Variants in XRCC6 observed in about 807,000 individuals in gnomAD.
XRCC6 encodes the protein DNA repair protein Ku70.
Under a neutral mutation model 65.7 loss-of-function variants are expected in XRCC6, and 5 were observed. The ratio of observed to expected loss-of-function variants is 0.08; its 90% CI spans 0.04 to 0.16. The LOEUF (loss-of-function observed/expected upper bound fraction) is 0.16. Ranked by LOEUF, XRCC6 falls within the 10% of genes least tolerant of loss-of-function variation. The probability of loss-of-function intolerance (pLI) is 1.00; values close to 1 mark genes in which losing one functional copy is unlikely to be tolerated. For synonymous variants in XRCC6, 270 were observed against 270.6 expected (o/e 1.00, Z 0.02); for missense variants, 447 against 738.1 (o/e 0.61, Z 4.57).
At position 41,636,170 on chromosome 22, in the gene XRCC6, G is replaced by C. The variant is rs370335839; in HGVS notation, c.253G>C (p.Val85Leu). The C allele has an allele frequency of 6.2e-7, 1 of 1,607,734 alleles. No individual in the cohort carries two copies. Among genetic ancestry groups the C allele is most frequent in the East Asian group, 2.2e-5 (1 of 44,832 alleles). Residue 85 changes from valine (V) to leucine (L), a missense_variant, in exon 4 of 13, where the codon GTG (valine) becomes CTG (leucine). Transcript: ENST00000360079. ...AAGCAGTGATCGAGATCTCTTGGCT[G>C]TGGTGTTCTATGGTACCGAGAAAGA... Reference protein sequence around the residue: ...IISSDRDLLAVVFYGTEKDKN... With the variant: ...IISSDRDLLALVFYGTEKDKN...
At position 41,628,210 on chromosome 22, in the gene XRCC6, C is replaced by A; in HGVS notation, c.175C>A (p.Pro59Thr). ...ATCTCAGAGTGAAGATGAGTTGACA[C>A]CTTTTGACATGAGCATCCAGGTAAG... ...FESQSEDELTPFDMSIQCIQS... is the reference protein window; with the variant it reads ...FESQSEDELTTFDMSIQCIQS... The change falls in exon 3 of 13, where the codon CCT (proline) becomes ACT (threonine). Residue 59 changes from proline to threonine, a missense_variant. By Grantham distance (38) the Pro-to-Thr change is conservative (BLOSUM62 -1). Transcript: ENST00000360079. 1 of 1,612,766 alleles carries A rather than the reference C, an allele frequency of 6.2e-7. No homozygotes were observed.
intron 12 of XRCC6, 65 bp downstream of exon 12, chr22:41,661,509 A>G: frequency 1.5e-6 from 2 of 1,321,106 alleles, no homozygotes; most frequent in South Asian, 1.2e-5. Context: ...GTCTTATCAC[A>G]GTGGGCAATA....
chr22:41,644,723 A>G (rs2067913483), intron 6 of XRCC6, among the ~76,000 whole-genome samples: 1 of 152,076 alleles, frequency 6.6e-6, no homozygotes, highest in East Asian at 2.0e-4. Flanking sequence ...TCCTGAGCTC[A>G]GGCAATCCGC....
At chr22:41,632,612 A>G (rs1316085078) in intron 3 of XRCC6, among the ~76,000 whole-genome samples, 2 of 152,066 alleles carry the variant, frequency 1.3e-5, no homozygotes, top group Admixed American at 1.3e-4. Flanking sequence ...CTCCATCTCA[A>G]GAAAACAAGA....
chr22:41,631,458 G>A lies in XRCC6; in HGVS notation c.195+3228G>A, dbSNP rs552160037. Among the ~76,000 whole-genome samples, 16 of 150,970 alleles carry A rather than the reference G, an allele frequency of 1.1e-4. 1 individual carries two copies. Among genetic ancestry groups the A allele is most frequent in the South Asian group, 4.2e-4 (2 of 4,764 alleles). ...GTCTCCTCCCTTCTCAGATGGGGCG[G>A]CTGGGCAGAGACGCTCCTCACCTCC... On this transcript the variant is annotated intron_variant, in intron 3 of 12. Coordinates refer to ENST00000360079, the MANE Select transcript of XRCC6 (RefSeq NM_001469.5).
chr22:41,629,469 C>A (rs747394210), intron 3 of XRCC6, among the ~76,000 whole-genome samples: 1 of 152,134 alleles, frequency 6.6e-6, no homozygotes, highest in Non-Finnish European at 1.5e-5. Flanking sequence ...TGTATGATTT[C>A]ATTTACATGA....
chr22:41,633,960 G>A (rs1323242706), intron 3 of XRCC6, among the ~76,000 whole-genome samples: 1 of 152,106 alleles, frequency 6.6e-6, no homozygotes, highest in East Asian at 1.9e-4. Context: ...CCTAAAAGGA[G>A]CCCTTACCAG....
chr22:41,653,443 A>G, intron 8 of XRCC6, 86 bp from the exon 9 acceptor site: 1 of 1,307,734 alleles, frequency 7.6e-7, no homozygotes, highest in Non-Finnish European at 1.0e-6. Context: ...CCCTTTAAAG[A>G]AAATGGAAGA....
chr22:41,651,032 G>A (rs917031651), intron 8 of XRCC6, 141 bp downstream of exon 8: 343 of 1,174,258 alleles, frequency 2.9e-4, no homozygotes, highest in Non-Finnish European at 3.8e-4. Context: ...TCTGCCTGGT[G>A]CAGTGGCTCA....
At chr22:41,639,255 C>A (rs1441016728) in intron 6 of XRCC6, among the ~76,000 whole-genome samples, 1 of 147,620 alleles carries the variant, frequency 6.8e-6, no homozygotes, top group African/African-American at 2.5e-5. Context: ...TAGTTATGAT[C>A]ATTGTTAAAA....
intron 8 of XRCC6, among the ~76,000 whole-genome samples, chr22:41,653,053 G>T (rs907932155): frequency 6.6e-6 from 1 of 152,026 alleles, no homozygotes; most frequent in African/African-American, 2.4e-5. Flanking sequence ...TGTCTCTGCT[G>T]TCCCCATTTT....
chr22:41,655,626 C>T (rs1189626616), intron 9 of XRCC6, among the ~76,000 whole-genome samples: 5 of 151,088 alleles, frequency 3.3e-5, no homozygotes, highest in Admixed American at 6.6e-5. Flanking sequence ...GGTGTGAACC[C>T]GGGAGGTGGA....
At chr22:41,624,812 A>G (rs932027418) in intron 2 of XRCC6, among the ~76,000 whole-genome samples, 1 of 149,958 alleles carries the variant, frequency 6.7e-6, no homozygotes, top group Admixed American at 6.7e-5. Context: ...CCTGGCAAAC[A>G]CGGTGAAACC....
chr22:41,649,170 A>ATGTG (rs1197239859), intron 7 of XRCC6, among the ~76,000 whole-genome samples: 4 of 135,824 alleles, frequency 2.9e-5, no homozygotes, highest in Non-Finnish European at 4.7e-5. Context: ...ATATGTATGT[A>ATGTG]TGTGTGTGTG....
chr22:41,622,787 T>C (rs1016382875), intron 2 of XRCC6, among the ~76,000 whole-genome samples: 1 of 150,888 alleles, frequency 6.6e-6, no homozygotes, highest in Non-Finnish European at 1.5e-5. Context: ...AAAAAAAAAA[T>C]ACAAAAAATT....
In XRCC6 at chr22:41,647,935, C is replaced by T. The variant is rs368483728; in HGVS notation, c.960+853C>T. 1.2e-3 allele frequency among the ~76,000 whole-genome samples: 185 copies of T among 151,500 alleles called. 1 individual carries two copies. Among genetic ancestry groups the T allele is most frequent in the African/African-American group, 4.2e-3 (175 of 41,418 alleles). Reference sequence around the variant, plus strand: ...GTTAACTAGGAGGAGAGACATTGATCAGGCTGACCAGTTAAATAACTTTCA... The same window carrying T: ...GTTAACTAGGAGGAGAGACATTGATTAGGCTGACCAGTTAAATAACTTTCA... On this transcript the variant is annotated intron_variant, in intron 7 of 12. Transcript: ENST00000360079.
chr22:41,650,830 G>C lies in XRCC6; in HGVS notation c.1068G>C (p.Leu356=). ...MLMGFKPLVL[L]KKHHYLRPSL... ...TGGGTTTCAAGCCGTTGGTACTGCT[G>C]AAGAAACACCATTACCTGAGGCCCT... The change falls in exon 8 of 13, where the codon CTG becomes CTC. Residue 356 remains leucine (L), a synonymous_variant. Coordinates refer to ENST00000360079, the MANE Select transcript of XRCC6 (RefSeq NM_001469.5). 1.2e-6 allele frequency: 2 copies of C among 1,614,046 alleles called. No individual in the cohort carries two copies. The highest frequency in any genetic ancestry group is 1.7e-6 in the Non-Finnish European group (2 of 1,179,956).
intron 6 of XRCC6, among the ~76,000 whole-genome samples, chr22:41,641,769 A>G (rs1312815286): frequency 6.6e-6 from 1 of 152,104 alleles, no homozygotes; most frequent in Non-Finnish European, 1.5e-5. Context: ...GAATGCAACA[A>G]CATTTATGTT....
At chr22:41,648,949 C>T (rs2067962906) in intron 7 of XRCC6, among the ~76,000 whole-genome samples, 1 of 150,696 alleles carries the variant, frequency 6.6e-6, no homozygotes, top group Non-Finnish European at 1.5e-5. Context: ...AGTCACATAT[C>T]CAGGATAAAA....
Sources: allele counts gnomAD v4.1 joint callset (sites outside exome capture counted in the v4.1 genomes callset), GRCh38; gene constraint gnomAD v4.1.1; transcripts MANE v1.5; gene names NCBI Gene and HGNC (gene_info 2026-07-23, HGNC 2026-07-21).